Variants in SLC10A7 observed in about 807,000 individuals in gnomAD.
SLC10A7 encodes solute carrier family 10 member 7, also known as sodium/bile acid cotransporter 7.
Under a neutral mutation model 43.2 loss-of-function variants are expected in SLC10A7, and 29 were observed. That is an observed-to-expected ratio of 0.67 (90% CI 0.50 to 0.92). The LOEUF is 0.92. Among genes scored for constraint, SLC10A7 ranks in the 40% least tolerant of loss-of-function variants. SLC10A7 has a pLI of 0.00. For synonymous variants in SLC10A7, 152 were observed against 144.8 expected (o/e 1.05, Z -0.35); for missense variants, 295 against 403.2 (o/e 0.73, Z 2.30).
At chr4:146,415,948 C>T (rs1242356676) in intron 5 of SLC10A7, among the ~76,000 whole-genome samples, 1 of 152,172 alleles carries the variant, frequency 6.6e-6, no homozygotes, top group African/African-American at 2.4e-5. Context: ...CTCTATCTTG[C>T]TCAGAAACTA....
intron 9 of SLC10A7, among the ~76,000 whole-genome samples, chr4:146,289,341 G>A (rs1320787425): frequency 6.6e-6 from 1 of 152,166 alleles, no homozygotes; most frequent in Non-Finnish European, 1.5e-5. Flanking sequence ...GTACTGATCA[G>A]AATTAAAACA....
chr4:146,493,019 T>C lies in SLC10A7; in HGVS notation c.396+10830A>G, dbSNP rs566633988. On this transcript the variant is annotated intron_variant, in intron 4 of 11. Coordinates refer to ENST00000335472, the MANE Select transcript of SLC10A7 (RefSeq NM_001029998.6). ...ACATTTTCATAACTCCATGATTTAG[T>C]AAATTATTAAGAATAAGTCTTCTAT... 8.5e-5 allele frequency among the ~76,000 whole-genome samples: 13 copies of C among 152,196 alleles called. No individual in the cohort carries two copies. In the South Asian group the frequency reaches 1.0e-3, roughly 12 times the overall value.
intron 9 of SLC10A7, among the ~76,000 whole-genome samples, chr4:146,288,039 G>A (rs1029618334): frequency 6.6e-6 from 1 of 152,156 alleles, no homozygotes; most frequent in Admixed American, 6.5e-5. Flanking sequence ...CTCTGTTTCA[G>A]GTAAGGAGGC....
At chr4:146,513,692 A>G (rs1737685926) in intron 2 of SLC10A7, among the ~76,000 whole-genome samples, 1 of 152,212 alleles carries the variant, frequency 6.6e-6, no homozygotes, top group African/African-American at 2.4e-5. Flanking sequence ...CGCTTCTAAG[A>G]AAGAGTTTCA....
At chr4:146,397,522 T>A (rs1350278924) in intron 5 of SLC10A7, among the ~76,000 whole-genome samples, 1 of 152,222 alleles carries the variant, frequency 6.6e-6, no homozygotes, top group East Asian at 1.9e-4. Context: ...TGTTCTGGTC[T>A]GCACGAGGGA....
intron 6 of SLC10A7, among the ~76,000 whole-genome samples, chr4:146,315,374 A>T (rs1325543089): frequency 6.6e-6 from 1 of 152,160 alleles, no homozygotes; most frequent in Non-Finnish European, 1.5e-5. Context: ...TAAACACAGT[A>T]TTAGTGATAA....
intron 5 of SLC10A7, among the ~76,000 whole-genome samples, chr4:146,333,622 G>A (rs1733683502): frequency 6.6e-6 from 1 of 152,122 alleles, no homozygotes; most frequent in Admixed American, 6.6e-5. Context: ...TATAGAAACT[G>A]AAAGCGAAGA....
chr4:146,376,643 A>G (rs1579030435), intron 5 of SLC10A7, among the ~76,000 whole-genome samples: 3 of 152,036 alleles, frequency 2.0e-5, no homozygotes, highest in African/African-American at 4.8e-5. Flanking sequence ...AAGCCACCCC[A>G]TCGCTTGTTT....
At chr4:146,451,062 C>G (rs1311679373) in intron 4 of SLC10A7, among the ~76,000 whole-genome samples, 1 of 150,524 alleles carries the variant, frequency 6.6e-6, no homozygotes, top group Non-Finnish European at 1.5e-5. Flanking sequence ...ATGTGGAAGG[C>G]AAAACTTTAA....
chr4:146,515,344 G>A (rs573900960), intron 2 of SLC10A7, among the ~76,000 whole-genome samples: 1 of 152,306 alleles, frequency 6.6e-6, no homozygotes, highest in South Asian at 2.1e-4. Context: ...CAACATTATG[G>A]TAGTAGCAAA....
intron 4 of SLC10A7, among the ~76,000 whole-genome samples, chr4:146,468,697 G>C (rs1159294849): frequency 6.6e-6 from 1 of 152,036 alleles, no homozygotes; most frequent in African/African-American, 2.4e-5. Context: ...CCTGACCTCA[G>C]GTGATCTACT....
At chr4:146,328,415 C>G (rs1733307524) in intron 5 of SLC10A7, among the ~76,000 whole-genome samples, 1 of 152,194 alleles carries the variant, frequency 6.6e-6, no homozygotes, top group African/African-American at 2.4e-5. Flanking sequence ...GGACAACATT[C>G]CAGGGCCTGG....
chr4:146,420,152 A>C (rs1728854654), intron 5 of SLC10A7, among the ~76,000 whole-genome samples: 1 of 152,186 alleles, frequency 6.6e-6, no homozygotes, highest in African/African-American at 2.4e-5. Flanking sequence ...CTATTCACTT[A>C]ACACCCATGT....
chr4:146,401,454 C>A lies in SLC10A7; in HGVS notation c.435+41329G>T, dbSNP rs1005145288. On this transcript the variant is annotated intron_variant, in intron 5 of 11. Coordinates refer to ENST00000335472, the MANE Select transcript of SLC10A7 (RefSeq NM_001029998.6). ...CTTACTATGGTTCCTTATTACTAAG[C>A]TTTGTATTTCCCAATGCCCAGGAGA... 3.3e-5 allele frequency among the ~76,000 whole-genome samples: 5 copies of A among 152,176 alleles called. No homozygotes were observed. In the East Asian group the frequency reaches 5.8e-4, roughly 18 times the overall value.
chr4:146,494,576 T>C (rs983549840), intron 4 of SLC10A7, among the ~76,000 whole-genome samples: 13 of 152,010 alleles, frequency 8.6e-5, no homozygotes, highest in African/African-American at 2.9e-4. Context: ...AAGAAAAGAA[T>C]TGATGAGAGG....
chr4:146,509,235 T>C lies in SLC10A7; in HGVS notation c.320+678A>G, dbSNP rs150177505. The stretch of plus-strand genomic sequence containing the variant: ...TGCAAAACTAACAGGCATTTCACTG[T>C]TGTTTCTCCAATATGTATAATAACT... On this transcript the variant is annotated intron_variant, in intron 3 of 11. Coordinates refer to ENST00000335472, the MANE Select transcript of SLC10A7 (RefSeq NM_001029998.6). 2.8e-3 allele frequency among the ~76,000 whole-genome samples: 423 copies of C among 152,316 alleles called. 3 individuals are homozygous for C. The highest frequency in any genetic ancestry group is 4.6e-3 in the Non-Finnish European group (313 of 68,034).
intron 4 of SLC10A7, among the ~76,000 whole-genome samples, chr4:146,447,146 T>C (rs1340094401): frequency 6.6e-6 from 1 of 152,172 alleles, no homozygotes; most frequent in East Asian, 1.9e-4. Context: ...CTTCCTATTA[T>C]AATATAGTTA....
intron 5 of SLC10A7, among the ~76,000 whole-genome samples, chr4:146,375,747 G>T (rs1251760653): frequency 2.0e-5 from 3 of 152,092 alleles, no homozygotes; most frequent in African/African-American, 7.2e-5. Flanking sequence ...CATGAGCTGT[G>T]TTAGGGTTGT....
chr4:146,334,105 CA>C (rs1290421240), intron 5 of SLC10A7, among the ~76,000 whole-genome samples: 5 of 151,946 alleles, frequency 3.3e-5, no homozygotes, highest in Admixed American at 3.3e-4. Flanking sequence ...ATCATAGAGC[CA>C]ATTACTGAGC....
Sources: allele counts gnomAD v4.1 joint callset (sites outside exome capture counted in the v4.1 genomes callset), GRCh38; gene constraint gnomAD v4.1.1; transcripts MANE v1.5; gene names NCBI Gene and HGNC (gene_info 2026-07-23, HGNC 2026-07-21).